INTS9: variants seen among roughly 807,000 people sequenced by gnomAD.
INTS9 encodes integrator complex subunit 9, also known as protein related to CPSF subunits of 74 kDa.
INTS9 carries 55 observed loss-of-function variants against 79.7 expected under a neutral mutation model. That is an observed-to-expected ratio of 0.69 (90% CI 0.56 to 0.86). INTS9 has a LOEUF of 0.86. Among genes scored for constraint, INTS9 ranks in the 40% least tolerant of loss-of-function variants. The probability of loss-of-function intolerance (pLI) is 0.00; values close to 1 mark genes in which losing one functional copy is unlikely to be tolerated. For missense variants in INTS9, 721 were observed against 831.5 expected, an observed-to-expected ratio of 0.87 and a Z score of 1.64; for synonymous variants, 319 against 325.2, an observed-to-expected ratio of 0.98 and a Z score of 0.20.
intron 6 of INTS9, among the ~76,000 whole-genome samples, chr8:28,814,161 A>G (rs566552544): frequency 6.6e-6 from 1 of 152,056 alleles, no homozygotes; most frequent in Non-Finnish European, 1.5e-5. Flanking sequence ...CAAAAGAATC[A>G]GGAGACCTGA....
chr8:28,835,853 G>A (rs1418544620), intron 5 of INTS9, among the ~76,000 whole-genome samples: 1 of 151,752 alleles, frequency 6.6e-6, no homozygotes, highest in Non-Finnish European at 1.5e-5. Context: ...TTGTTGCCCA[G>A]GCTAGACTGC....
chr8:28,805,577 T>C (rs1020516214), intron 8 of INTS9, among the ~76,000 whole-genome samples: 1 of 152,184 alleles, frequency 6.6e-6, no homozygotes, highest in African/African-American at 2.4e-5. Flanking sequence ...GTATTATGTA[T>C]GTTCTAAACG....
At chr8:28,791,983 A>T (rs1803944479) in intron 10 of INTS9, among the ~76,000 whole-genome samples, 1 of 152,230 alleles carries the variant, frequency 6.6e-6, no homozygotes, top group Non-Finnish European at 1.5e-5. Flanking sequence ...CTTCCACAAA[A>T]ATAAGTAAGC....
At chr8:28,860,762 G>T (rs1254383828) in intron 1 of INTS9, among the ~76,000 whole-genome samples, 1 of 152,202 alleles carries the variant, frequency 6.6e-6, no homozygotes, top group African/African-American at 2.4e-5. Context: ...GGTTATAGGC[G>T]TGAGCCATGG....
chr8:28,778,004 G>A (rs751718846), intron 12 of INTS9, 51 bp from the exon 13 acceptor site: 1 of 1,523,572 alleles, frequency 6.6e-7, no homozygotes, highest in Non-Finnish European at 8.8e-7. Context: ...CACAGGAGCT[G>A]CCAAGCCAGA....
chr8:28,873,107 A>T (rs539958874), intron 1 of INTS9, among the ~76,000 whole-genome samples: 1 of 152,222 alleles, frequency 6.6e-6, no homozygotes, highest in Non-Finnish European at 1.5e-5. Flanking sequence ...GTGTTAAAAA[A>T]ATAGAAGCTT....
chr8:28,768,366 A>G, intron 16 of INTS9, 44 bp from the exon 17 acceptor site: 2 of 1,555,052 alleles, frequency 1.3e-6, no homozygotes, highest in Non-Finnish European at 1.8e-6. Context: ...CAGACTGCAC[A>G]TCTGTGAGAT....
intron 6 of INTS9, among the ~76,000 whole-genome samples, chr8:28,815,526 T>C (rs1805419575): frequency 6.6e-6 from 1 of 152,138 alleles, no homozygotes; most frequent in African/African-American, 2.4e-5. Context: ...TTAAAGGAAA[T>C]GCTCACTGGA....
intron 3 of INTS9, among the ~76,000 whole-genome samples, chr8:28,848,848 T>C (rs186755432): frequency 3.3e-5 from 5 of 152,338 alleles, no homozygotes; most frequent in African/African-American, 1.2e-4. Flanking sequence ...TACTCCCACA[T>C]ACACATGCAA....
chr8:28,827,382 AGTC>A (rs1806213082), intron 6 of INTS9, among the ~76,000 whole-genome samples: 1 of 152,260 alleles, frequency 6.6e-6, no homozygotes, highest in Admixed American at 6.5e-5. Flanking sequence ...AAAACTTTTA[AGTC>A]CAGAAGGACC....
chr8:28,853,373 A>C (rs919177361), intron 2 of INTS9, among the ~76,000 whole-genome samples: 1 of 151,578 alleles, frequency 6.6e-6, no homozygotes, highest in Non-Finnish European at 1.5e-5. Context: ...AGATGGCGCC[A>C]CTGTACTCCA....
intron 14 of INTS9, among the ~76,000 whole-genome samples, chr8:28,772,291 A>G (rs916605655): frequency 2.6e-5 from 4 of 152,176 alleles, no homozygotes; most frequent in Non-Finnish European, 4.4e-5. Context: ...TTGGGAGGCC[A>G]CGGTGGGCAG....
chr8:28,860,774 G>A (rs140631791), intron 1 of INTS9, among the ~76,000 whole-genome samples: 20 of 152,284 alleles, frequency 1.3e-4, no homozygotes, highest in African/African-American at 4.1e-4. Context: ...GAGCCATGGC[G>A]CCCGACCCTC....
intron 6 of INTS9, among the ~76,000 whole-genome samples, chr8:28,818,089 G>A (rs371227746): frequency 1.4e-4 from 19 of 139,992 alleles, no homozygotes; most frequent in Admixed American, 7.1e-4. Flanking sequence ...CAATCATGTC[G>A]TCTGCAAACA....
At chr8:28,872,126 G>GT (rs1386039133) in intron 1 of INTS9, among the ~76,000 whole-genome samples, 3 of 152,154 alleles carry the variant, frequency 2.0e-5, no homozygotes, top group African/African-American at 7.2e-5. Context: ...TACTCTATGG[G>GT]TAAAAACTAA....
Position 28,768,134 on chromosome 8 carries a change from C to CA in INTS9, c.*11dup, listed in dbSNP as rs1802314389. 6.2e-7 allele frequency: 1 copy of CA among 1,613,674 alleles called. No homozygotes were observed. The highest frequency in any genetic ancestry group is 1.3e-5 in the African/African-American group (1 of 74,930). ...ACTGCAGGATTTCAGGGAAGTAGCT[C>CA]AGATGGCCCACTCAGAACTTCTGTA... On this transcript the variant is annotated 3_prime_UTR_variant, in exon 17 of 17. Transcript: ENST00000521022.
At chr8:28,879,164 C>T (rs959570448) in intron 1 of INTS9, among the ~76,000 whole-genome samples, 2 of 152,122 alleles carry the variant, frequency 1.3e-5, no homozygotes. Flanking sequence ...TGAATATATA[C>T]ACAAACATCC....
At chr8:28,823,249 C>T (rs1424345712) in intron 6 of INTS9, among the ~76,000 whole-genome samples, 1 of 152,202 alleles carries the variant, frequency 6.6e-6, no homozygotes, top group Non-Finnish European at 1.5e-5. Context: ...GAAGAGCTCT[C>T]TGCCCTCCTC....
At chr8:28,771,688 C>T (rs1802548571) in intron 14 of INTS9, among the ~76,000 whole-genome samples, 1 of 152,348 alleles carries the variant, frequency 6.6e-6, no homozygotes, top group South Asian at 2.1e-4. Flanking sequence ...CGGCCTATGG[C>T]GAGCGTGAAG....
Sources: allele counts gnomAD v4.1 joint callset (sites outside exome capture counted in the v4.1 genomes callset), GRCh38; gene constraint gnomAD v4.1.1; transcripts MANE v1.5; gene names NCBI Gene and HGNC (gene_info 2026-07-23, HGNC 2026-07-21).